The following PIEZO1 variants were observed in gnomAD, a reference collection of about 807,000 sequenced individuals.
The protein encoded by PIEZO1 is piezo type mechanosensitive ion channel component 1 (Er blood group), also known as piezo-type mechanosensitive ion channel component 1.
In PIEZO1, 296 loss-of-function variants were observed where a neutral mutation model predicts 297.2. The observed-to-expected ratio is 1.00, with a 90% CI of 0.91 to 1.10. The LOEUF (loss-of-function observed/expected upper bound fraction) is 1.10. PIEZO1 is among the 50% of genes least tolerant of loss of function. The pLI, the probability that PIEZO1 is intolerant of heterozygous loss-of-function variation, is 0.00. For synonymous variants in PIEZO1, 2,427 were observed against 1,507.5 expected, an observed-to-expected ratio of 1.61 and a Z score of -14.13; for missense variants, 5,018 against 3,455.5, an observed-to-expected ratio of 1.45 and a Z score of -11.34.
chr16:88,770,414 G>T (rs183689447), intron 1 of PIEZO1, among the ~76,000 whole-genome samples: 4 of 152,214 alleles, frequency 2.6e-5, no homozygotes, highest in African/African-American at 4.8e-5. Context: ...TCTGTGGGGT[G>T]GGGGGACGGG....
rs573353481 is a variant in PIEZO1 at position 88,716,599 on chromosome 16, T to G, written c.6886A>C (p.Thr2296Pro). The G allele has an allele frequency of 8.5e-5, 132 of 1,548,898 alleles. No homozygotes were observed. The African/African-American group carries it at 1.7e-3, about 19-fold the overall frequency. Residue 2296 changes from threonine to proline, a missense_variant, in exon 47 of 51, where the codon ACG (threonine) becomes CCG (proline). Coordinates refer to ENST00000301015, the MANE Select transcript of PIEZO1 (RefSeq NM_001142864.4). ...AQMKRELYNG[T>P]ADITLRFTWN... ...GTGAAGCGCAGGGTGATGTCGGCCGTGCCGTTGTAGAGCTCCCGCTTCATC... is the reference window on the plus strand; with the variant it reads ...GTGAAGCGCAGGGTGATGTCGGCCGGGCCGTTGTAGAGCTCCCGCTTCATC...
rs532771407 is a variant in PIEZO1, at chr16:88,770,720, C to G, written c.64+14181G>C. Reference sequence around the variant, plus strand: ...CAGGCCGGCTGGCAGCCCAGCCGCACCAAGTCACCCTGAGCACGCCCCACG... The same window carrying G: ...CAGGCCGGCTGGCAGCCCAGCCGCAGCAAGTCACCCTGAGCACGCCCCACG... On this transcript the variant is annotated intron_variant, in intron 1 of 50. Coordinates refer to ENST00000301015, the MANE Select transcript of PIEZO1 (RefSeq NM_001142864.4). Among the ~76,000 whole-genome samples, 9 of 152,342 alleles carry G rather than the reference C, an allele frequency of 5.9e-5. No homozygotes were observed. The East Asian group carries it at 1.7e-3, about 29-fold the overall frequency.
At chr16:88,730,192 C>G (rs943217990) in intron 22 of PIEZO1, among the ~76,000 whole-genome samples, 2 of 152,258 alleles carry the variant, frequency 1.3e-5, no homozygotes, top group African/African-American at 4.8e-5. Flanking sequence ...ACCCCGGGCT[C>G]TAAACCTCAC....
chr16:88,746,795 C>T (rs1182178247), intron 2 of PIEZO1, among the ~76,000 whole-genome samples: 2 of 152,252 alleles, frequency 1.3e-5, no homozygotes, highest in Non-Finnish European at 2.9e-5. Context: ...TGCCTTCCCC[C>T]ACTGCTGATT....
At chr16:88,748,435 C>A (rs946188035) in intron 2 of PIEZO1, among the ~76,000 whole-genome samples, 4 of 151,950 alleles carry the variant, frequency 2.6e-5, no homozygotes, top group African/African-American at 9.7e-5. Context: ...GGGAGAGCAA[C>A]ACAGTCCTGG....
chr16:88,747,852 A>T (rs529847711), intron 2 of PIEZO1, among the ~76,000 whole-genome samples: 1 of 152,112 alleles, frequency 6.6e-6, no homozygotes, highest in Non-Finnish European at 1.5e-5. Context: ...ACAGGGTGTG[A>T]TCCTGACCCC....
Position 88,742,406 on chromosome 16 carries a change from G to T in PIEZO1, c.177C>A (p.Leu59=), listed in dbSNP as rs1229672688. ...GGCTGAGGCCCAGCAATGCCCGCAG[G>T]AGGCGGCCTGTGTGACCTGCGGCAG... ...RCGLQGHTGR[L]LRALLGLSLL... is the part of the protein sequence containing the mutation. The change falls in exon 3 of 51, where the codon CTC becomes CTA. Residue 59 remains leucine, a synonymous_variant. Transcript: ENST00000301015. The T allele has an allele frequency of 6.5e-7, 1 of 1,534,862 alleles. No individual in the cohort carries two copies. Among genetic ancestry groups the T allele is most frequent in the Non-Finnish European group, 8.7e-7 (1 of 1,146,636 alleles).
intron 34 of PIEZO1, 61 bp downstream of exon 34, chr16:88,722,776 T>TA: frequency 6.5e-7 from 1 of 1,530,940 alleles, no homozygotes; most frequent in Non-Finnish European, 8.8e-7. Context: ...ACTAGGCTGT[T>TA]AAGCAGGCAG....
intron 1 of PIEZO1, among the ~76,000 whole-genome samples, chr16:88,779,392 G>A (rs1300085290): frequency 3.3e-5 from 5 of 152,128 alleles, no homozygotes; most frequent in African/African-American, 9.7e-5. Flanking sequence ...GGCACTGATC[G>A]CACTTTTCTT....
chr16:88,783,013 A>G (rs2608604), intron 1 of PIEZO1, among the ~76,000 whole-genome samples: 95,002 of 152,094 alleles, frequency 0.62, 29,805 homozygotes, highest in Middle Eastern at 0.7. Context: ...TTTATTTGGG[A>G]CCAGTTTTAG....
chr16:88,778,954 C>T (rs1907801979), intron 1 of PIEZO1, among the ~76,000 whole-genome samples: 1 of 151,952 alleles, frequency 6.6e-6, no homozygotes, highest in Admixed American at 6.6e-5. Context: ...ATGGCGCGTT[C>T]ACCAGAGGCT....
chr16:88,751,739 G>A (rs1380205838), intron 1 of PIEZO1, among the ~76,000 whole-genome samples: 1 of 151,122 alleles, frequency 6.6e-6, no homozygotes, highest in Non-Finnish European at 1.5e-5. Context: ...CACAGCAAAG[G>A]CTTCTGAAGT....
chr16:88,719,149 C>T (rs771243013), intron 44 of PIEZO1: 20 of 204,868 alleles, frequency 9.8e-5, no homozygotes, highest in Non-Finnish European at 1.5e-4. Flanking sequence ...GTGCCCGGCC[C>T]GGGGTTTCTT....
chr16:88,737,041 C>T (rs1024614711), intron 10 of PIEZO1: 9 of 311,694 alleles, frequency 2.9e-5, no homozygotes, highest in African/African-American at 1.3e-4. Flanking sequence ...ACCCCAGGGC[C>T]GTGGCTTCAT....
chr16:88,743,396 G>A (rs1390365375), intron 2 of PIEZO1: 3 of 447,366 alleles, frequency 6.7e-6, no homozygotes, highest in African/African-American at 2.0e-5. Flanking sequence ...CCCTCACCCT[G>A]GGGCAGCAAC....
In PIEZO1 at chr16:88,745,907, G is replaced by A. The variant is rs1004837242; in HGVS notation, c.160+3477C>T. ...GCCGGAGCCCTTGGACCCCGGCACG[G>A]CCTGCAAAGGCTGAGGGGCCCCACC... On this transcript the variant is annotated intron_variant, in intron 2 of 50. Coordinates refer to ENST00000301015, the MANE Select transcript of PIEZO1 (RefSeq NM_001142864.4). 2.0e-5 allele frequency among the ~76,000 whole-genome samples: 3 copies of A among 152,338 alleles called. No individual in the cohort carries two copies. In the East Asian group the frequency reaches 5.8e-4, roughly 29 times the overall value.
In PIEZO1 at chr16:88,732,356, G is replaced by A. The variant is rs764320103; in HGVS notation, c.2970C>T (p.Phe990=). The change falls in exon 21 of 51, where the codon TTC becomes TTT. Residue 990 remains phenylalanine (F), a synonymous_variant. Coordinates refer to ENST00000301015, the MANE Select transcript of PIEZO1 (RefSeq NM_001142864.4). ...LGCLKYFINF[F]FYKFGLEICF... is the part of the protein sequence containing the mutation. ...TCACCTCCAGCCCGAATTTGTAGAA[G>A]AAGAAGTTGATGAAGTACTTGAGGC... 36 of 1,549,460 alleles carry A rather than the reference G, an allele frequency of 2.3e-5. No individual in the cohort carries two copies. In the Admixed American group the frequency reaches 2.6e-4, roughly 11 times the overall value.
chr16:88,716,149 CGCA>C (rs1567656342), intron 49 of PIEZO1, 30 bp from the exon 50 acceptor site: 1 of 1,527,816 alleles, frequency 6.5e-7, no homozygotes. Flanking sequence ...TCGTTGAGGC[CGCA>C]GGTCACCCCT....
intron 2 of PIEZO1, chr16:88,742,670 A>G: frequency 2.0e-6 from 1 of 495,636 alleles, no homozygotes; most frequent in Non-Finnish European, 3.6e-6. Flanking sequence ...TGGGGCCCAC[A>G]GGCAGGAAAA....
Sources: allele counts gnomAD v4.1 joint callset (sites outside exome capture counted in the v4.1 genomes callset), GRCh38; gene constraint gnomAD v4.1.1; transcripts MANE v1.5; gene names NCBI Gene and HGNC (gene_info 2026-07-23, HGNC 2026-07-21).